ARHGAP15: variants seen among roughly 807,000 people sequenced by gnomAD.
ARHGAP15 encodes the protein Rho GTPase activating protein 15.
In ARHGAP15, 51 loss-of-function variants were observed where a neutral mutation model predicts 63.7. The ratio of observed to expected loss-of-function variants is 0.80; its 90% CI spans 0.64 to 1.01. ARHGAP15 has a LOEUF of 1.01. ARHGAP15 is among the 50% of genes least tolerant of loss of function. The pLI, the probability that ARHGAP15 is intolerant of heterozygous loss-of-function variation, is 0.00. For missense variants in ARHGAP15, 560 were observed against 564.6 expected (o/e 0.99, Z 0.08); for synonymous variants, 191 against 193.8 (o/e 0.99, Z 0.12).
At chr2:143,735,407 C>G (rs527377282) in intron 13 of ARHGAP15, among the ~76,000 whole-genome samples, 4 of 152,112 alleles carry the variant, frequency 2.6e-5, no homozygotes, top group Non-Finnish European at 5.9e-5. Flanking sequence ...TGTTTCTTTC[C>G]ATTTCTAAAC....
intron 6 of ARHGAP15, among the ~76,000 whole-genome samples, chr2:143,302,377 C>T (rs560448897): frequency 6.6e-6 from 1 of 152,092 alleles, no homozygotes; most frequent in East Asian, 1.9e-4. Context: ...TAAACTTTCA[C>T]ATAAAAAACT....
At position 143,711,376 on chromosome 2, in the gene ARHGAP15, G is replaced by T. The variant is rs187390765; in HGVS notation, c.1244+7852G>T. On this transcript the variant is annotated intron_variant, in intron 13 of 13. Coordinates refer to ENST00000295095, the MANE Select transcript of ARHGAP15 (RefSeq NM_018460.4). The stretch of plus-strand genomic sequence containing the variant: ...GAAATTTAGCTTAGAAAAATCAAAG[G>T]ATGCCCCCCAGAGGACATGAAACAA... Among the ~76,000 whole-genome samples the T allele has an allele frequency of 4.4e-4, 67 of 152,260 alleles. No individual in the cohort carries two copies. The East Asian group carries it at 0.013, about 28-fold the overall frequency.
At chr2:143,449,306 TA>T (rs1315597602) in intron 8 of ARHGAP15, among the ~76,000 whole-genome samples, 7 of 152,104 alleles carry the variant, frequency 4.6e-5, no homozygotes, top group African/African-American at 1.4e-4. Context: ...AATTATCCAT[TA>T]ATTCCCTGGA....
chr2:143,177,690 G>T (rs1051178931), intron 2 of ARHGAP15, among the ~76,000 whole-genome samples: 13 of 152,076 alleles, frequency 8.5e-5, no homozygotes, highest in African/African-American at 2.4e-4. Flanking sequence ...TCTAACATAT[G>T]ATTTGCTTTT....
chr2:143,621,882 T>C (rs1698659241), intron 11 of ARHGAP15, among the ~76,000 whole-genome samples: 1 of 152,202 alleles, frequency 6.6e-6, no homozygotes, highest in African/African-American at 2.4e-5. Context: ...GTTTCCTTGC[T>C]CAAGTTAAAA....
chr2:143,349,525 G>A (rs1447605672), intron 6 of ARHGAP15, among the ~76,000 whole-genome samples: 1 of 152,120 alleles, frequency 6.6e-6, no homozygotes, highest in East Asian at 1.9e-4. Flanking sequence ...TTGAGTGAGG[G>A]TCACTTTGCA....
intron 9 of ARHGAP15, among the ~76,000 whole-genome samples, chr2:143,504,702 C>T (rs1224384300): frequency 6.6e-6 from 1 of 152,166 alleles, no homozygotes; most frequent in Non-Finnish European, 1.5e-5. Context: ...TCTTTTGCCC[C>T]ATTGTGTTCT....
intron 12 of ARHGAP15, among the ~76,000 whole-genome samples, chr2:143,700,540 C>G (rs1684039684): frequency 6.6e-6 from 1 of 152,060 alleles, no homozygotes; most frequent in African/African-American, 2.4e-5. Flanking sequence ...GGTCTCTTCT[C>G]CTCCTCTCTC....
chr2:143,320,175 C>T (rs1170175260), intron 6 of ARHGAP15, among the ~76,000 whole-genome samples: 1 of 152,034 alleles, frequency 6.6e-6, no homozygotes, highest in African/African-American at 2.4e-5. Flanking sequence ...CTAATATAAA[C>T]TACATGACCT....
intron 13 of ARHGAP15, among the ~76,000 whole-genome samples, chr2:143,743,051 G>T (rs1204401914): frequency 6.6e-6 from 1 of 152,152 alleles, no homozygotes; most frequent in African/African-American, 2.4e-5. Flanking sequence ...TATCTGATTG[G>T]GAACTAAAGA....
At chr2:143,283,405 T>G (rs1190997913) in intron 6 of ARHGAP15, among the ~76,000 whole-genome samples, 3 of 152,068 alleles carry the variant, frequency 2.0e-5, no homozygotes. Flanking sequence ...AAATTTGAAG[T>G]AAGACAAAAA....
intron 6 of ARHGAP15, among the ~76,000 whole-genome samples, chr2:143,371,010 G>T (rs1460634325): frequency 2.0e-5 from 3 of 152,132 alleles, no homozygotes; most frequent in Non-Finnish European, 4.4e-5. Flanking sequence ...GATAAATTGG[G>T]GGGAATAGGT....
intron 6 of ARHGAP15, among the ~76,000 whole-genome samples, chr2:143,385,590 G>A (rs1040070446): frequency 2.0e-5 from 3 of 151,996 alleles, no homozygotes; most frequent in Admixed American, 6.6e-5. Context: ...TCTGTACTAA[G>A]GAAGGTGGAA....
intron 2 of ARHGAP15, among the ~76,000 whole-genome samples, chr2:143,179,492 G>T (rs1691140027): frequency 6.6e-6 from 1 of 152,106 alleles, no homozygotes; most frequent in Non-Finnish European, 1.5e-5. Flanking sequence ...AACAAATATT[G>T]CAATAAAGCA....
At chr2:143,531,331 C>T (rs1694516781) in intron 10 of ARHGAP15, among the ~76,000 whole-genome samples, 1 of 152,042 alleles carries the variant, frequency 6.6e-6, no homozygotes, top group Non-Finnish European at 1.5e-5. Context: ...AGTTACAAAT[C>T]TAGATATGGA....
intron 6 of ARHGAP15, among the ~76,000 whole-genome samples, chr2:143,282,368 G>T (rs1404135925): frequency 6.6e-6 from 1 of 152,042 alleles, no homozygotes; most frequent in Non-Finnish European, 1.5e-5. Context: ...GGAAAAAGAG[G>T]TTTAATAGAC....
In ARHGAP15 at chr2:143,173,219, G is replaced by A. The variant is rs142611821; in HGVS notation, c.165+17564G>A. Among the ~76,000 whole-genome samples, 428 of 152,012 alleles carry A rather than the reference G, an allele frequency of 2.8e-3. 4 individuals carry two copies. The highest frequency in any genetic ancestry group is 9.7e-3 in the African/African-American group (403 of 41,480). ...GACCTAAAAATATTTTAAAAAACCCGAGATGTTTGTTTCATGTACAAGTAT... is the reference window on the plus strand; with the variant it reads ...GACCTAAAAATATTTTAAAAAACCCAAGATGTTTGTTTCATGTACAAGTAT... On this transcript the variant is annotated intron_variant, in intron 2 of 13. Coordinates refer to ENST00000295095, the MANE Select transcript of ARHGAP15 (RefSeq NM_018460.4).
chr2:143,664,115 T>G (rs1356738841), intron 12 of ARHGAP15, among the ~76,000 whole-genome samples: 1 of 152,130 alleles, frequency 6.6e-6, no homozygotes, highest in Admixed American at 6.5e-5. Context: ...ATACATTTTT[T>G]TCAGCACCAC....
intron 6 of ARHGAP15, among the ~76,000 whole-genome samples, chr2:143,431,149 G>A (rs1283677675): frequency 2.0e-5 from 3 of 151,970 alleles, no homozygotes; most frequent in South Asian, 2.1e-4. Flanking sequence ...AAGGAAAGAA[G>A]CAACTTTGTC....
Sources: allele counts gnomAD v4.1 joint callset (sites outside exome capture counted in the v4.1 genomes callset), GRCh38; gene constraint gnomAD v4.1.1; transcripts MANE v1.5; gene names NCBI Gene and HGNC (gene_info 2026-07-23, HGNC 2026-07-21).